Variants in TMEM132D observed in about 807,000 individuals in gnomAD.
The protein encoded by TMEM132D is transmembrane protein 132D.
In TMEM132D, 21 loss-of-function variants were observed where a neutral mutation model predicts 62.3. The ratio of observed to expected loss-of-function variants is 0.34; its 90% confidence interval spans 0.24 to 0.49. The LOEUF (loss-of-function observed/expected upper bound fraction) is 0.49. Among genes scored for constraint, TMEM132D ranks in the 20% least tolerant of loss-of-function variants. The probability of loss-of-function intolerance (pLI) is 0.99; values close to 1 mark genes in which losing one functional copy is unlikely to be tolerated. For missense variants in TMEM132D, 1,346 were observed against 1,402.8 expected (o/e 0.96, Z 0.65); for synonymous variants, 621 against 575.6 (o/e 1.08, Z -1.13).
intron 2 of TMEM132D, among the ~76,000 whole-genome samples, chr12:129,642,076 G>T (rs1488551653): frequency 1.3e-5 from 2 of 152,026 alleles, no homozygotes; most frequent in East Asian, 3.9e-4. Flanking sequence ...AGAGAGACGG[G>T]ACGCTAGCCA....
At chr12:129,741,680 A>C (rs1057461713) in intron 1 of TMEM132D, among the ~76,000 whole-genome samples, 2 of 152,194 alleles carry the variant, frequency 1.3e-5, no homozygotes, top group African/African-American at 4.8e-5. Context: ...CCACTGTGGC[A>C]ATTAGGACTG....
At chr12:129,333,650 C>T (rs984986680) in intron 4 of TMEM132D, among the ~76,000 whole-genome samples, 3 of 152,164 alleles carry the variant, frequency 2.0e-5, no homozygotes, top group Non-Finnish European at 4.4e-5. Context: ...ACTCCCTTCT[C>T]CCACTGTTGC....
rs1000369267 is a variant in TMEM132D, at chr12:129,577,535, CAA to C, written c.969-46332_969-46331del. The stretch of plus-strand genomic sequence containing the variant: ...CACTGTGAAGGTCTGCCAGTGTATG[CAA>C]AAGTTTTGATAAATGTTGACTTTTT... On this transcript the variant is annotated intron_variant, in intron 2 of 8. Transcript: ENST00000422113. Among the ~76,000 whole-genome samples, 77 of 151,412 alleles carry C rather than the reference CAA, an allele frequency of 5.1e-4. 1 individual carries two copies. The highest frequency in any genetic ancestry group is 1.9e-3 in the African/African-American group (76 of 41,036).
chr12:129,262,677 G>C (rs993349645), intron 4 of TMEM132D: 3 of 152,216 alleles, frequency 2.0e-5, no homozygotes, highest in African/African-American at 7.2e-5. Flanking sequence ...GCCCAAGTAA[G>C]ATGAGACTGT....
intron 3 of TMEM132D, among the ~76,000 whole-genome samples, chr12:129,499,130 T>C (rs1407424993): frequency 1.3e-5 from 2 of 152,210 alleles, no homozygotes; most frequent in Non-Finnish European, 2.9e-5. Flanking sequence ...ATTATTGCTC[T>C]GTGAACCTTA....
Position 129,073,893 on chromosome 12 carries a change from C to A in TMEM132D, c.3282G>T (p.Arg1094Ser), listed in dbSNP as rs1874156632. ...DCKELHNYMERLHENV is the reference protein window; with the variant it reads ...DCKELHNYMESLHENV ...GTCTGGCTTACACATTTTCATGTAA[C>A]CTCTCCATGTAGTTGTGCAGCTCTT... Residue 1094 changes from arginine (R) to serine (S), a missense_variant, in exon 9 of 9, where the codon AGG (arginine) becomes AGT (serine). Coordinates refer to ENST00000422113, the MANE Select transcript of TMEM132D (RefSeq NM_133448.3). 3.2e-6 allele frequency: 5 copies of A among 1,541,170 alleles called. No individual in the cohort carries two copies. The highest frequency in any genetic ancestry group is 2.8e-5 in the African/African-American group (2 of 72,116).
intron 5 of TMEM132D, among the ~76,000 whole-genome samples, chr12:129,176,584 A>G (rs933910718): frequency 6.6e-6 from 1 of 152,204 alleles, no homozygotes; most frequent in Non-Finnish European, 1.5e-5. Context: ...GATTTGCAGA[A>G]TCCTCCCCAA....
intron 1 of TMEM132D, among the ~76,000 whole-genome samples, chr12:129,881,840 T>G (rs1874606155): frequency 6.6e-6 from 1 of 151,906 alleles, no homozygotes. Flanking sequence ...AATGAAAAGC[T>G]GCCTCTTTGA....
intron 2 of TMEM132D, among the ~76,000 whole-genome samples, chr12:129,580,159 A>AG (rs753560466): frequency 1.9e-4 from 29 of 152,216 alleles, no homozygotes; most frequent in Non-Finnish European, 4.0e-4. Context: ...CAGTTAGTCA[A>AG]GGTTGTCCCA....
intron 4 of TMEM132D, among the ~76,000 whole-genome samples, chr12:129,275,369 A>G (rs900435148): frequency 1.3e-5 from 2 of 152,252 alleles, no homozygotes; most frequent in African/African-American, 4.8e-5. Flanking sequence ...AAATAGGAAC[A>G]TAGAACTACC....
At chr12:129,508,873 T>C (rs1477416356) in intron 3 of TMEM132D, among the ~76,000 whole-genome samples, 2 of 152,112 alleles carry the variant, frequency 1.3e-5, no homozygotes, top group Non-Finnish European at 2.9e-5. Flanking sequence ...TTCCCACTGA[T>C]GGTTGCTACA....
chr12:129,522,246 T>C (rs1394706913), intron 3 of TMEM132D, among the ~76,000 whole-genome samples: 1 of 152,150 alleles, frequency 6.6e-6, no homozygotes, highest in Non-Finnish European at 1.5e-5. Context: ...AAACTGTATA[T>C]ATTAATACTT....
At chr12:129,225,111 T>C (rs11836851) in intron 4 of TMEM132D, among the ~76,000 whole-genome samples, 3,468 of 152,320 alleles carry the variant, frequency 0.023, 113 homozygotes, top group African/African-American at 0.076. Flanking sequence ...GTGACCGTAC[T>C]GTACTGCACT....
intron 5 of TMEM132D, among the ~76,000 whole-genome samples, chr12:129,200,968 C>T (rs1878689315): frequency 6.6e-6 from 1 of 152,192 alleles, no homozygotes; most frequent in Admixed American, 6.5e-5. Context: ...TTTGATCCAC[C>T]TTAGGAGAAT....
chr12:129,401,044 T>C (rs1331650847), intron 3 of TMEM132D, among the ~76,000 whole-genome samples: 2 of 152,164 alleles, frequency 1.3e-5, no homozygotes, highest in Non-Finnish European at 2.9e-5. Context: ...GCACCCTGAA[T>C]CTCACCATCC....
chr12:129,746,040 G>A (rs1406620244), intron 1 of TMEM132D, among the ~76,000 whole-genome samples: 2 of 152,178 alleles, frequency 1.3e-5, no homozygotes, highest in Non-Finnish European at 2.9e-5. Context: ...AGATCCAGAA[G>A]GAGGAATGAG....
In TMEM132D at chr12:129,128,405, C is replaced by A. The variant is rs543033294; in HGVS notation, c.1444-43703G>T. Reference sequence around the variant, plus strand: ...ATCCTGGTGGAAGGTGAAGAGGAAGCAAGGTGGCATCTTACACGGTGGCAG... The same window carrying A: ...ATCCTGGTGGAAGGTGAAGAGGAAGAAAGGTGGCATCTTACACGGTGGCAG... On this transcript the variant is annotated intron_variant, in intron 5 of 8. Coordinates refer to ENST00000422113, the MANE Select transcript of TMEM132D (RefSeq NM_133448.3). Among the ~76,000 whole-genome samples the A allele has an allele frequency of 2.0e-5, 3 of 152,258 alleles. No individual in the cohort carries two copies. The East Asian group carries it at 5.8e-4, about 29-fold the overall frequency.
chr12:129,513,798 TTTTATTTTTA>T (rs1429740284), intron 3 of TMEM132D, among the ~76,000 whole-genome samples: 2 of 140,656 alleles, frequency 1.4e-5, no homozygotes, highest in African/African-American at 2.6e-5. Flanking sequence ...GGGGACCAAT[TTTTATTTTTA>T]TTTATTTATT....
chr12:129,075,291 G>GTATT (rs1874214971), intron 8 of TMEM132D, among the ~76,000 whole-genome samples: 1 of 149,944 alleles, frequency 6.7e-6, no homozygotes, highest in Non-Finnish European at 1.5e-5. Context: ...AACAGGGCCA[G>GTATT]TATTAAACAA....
Sources: allele counts gnomAD v4.1 joint callset (sites outside exome capture counted in the v4.1 genomes callset), GRCh38; gene constraint gnomAD v4.1.1; transcripts MANE v1.5; gene names NCBI Gene and HGNC (gene_info 2026-07-23, HGNC 2026-07-21).